Variants in DCLK1 observed in about 807,000 individuals in gnomAD.
DCLK1 encodes the protein serine/threonine-protein kinase DCLK1.
Under a neutral mutation model 86.2 loss-of-function variants are expected in DCLK1, and 16 were observed. That is an observed-to-expected ratio of 0.19 (90% CI 0.13 to 0.28). The LOEUF (loss-of-function observed/expected upper bound fraction) is 0.28. Among genes scored for constraint, DCLK1 ranks in the 10% least tolerant of loss-of-function variants. The probability of loss-of-function intolerance (pLI) is 1.00; values close to 1 mark genes in which losing one functional copy is unlikely to be tolerated. For synonymous variants in DCLK1, 369 were observed against 370.5 expected, an observed-to-expected ratio of 1.00 and a Z score of 0.05; for missense variants, 590 against 940.2, an observed-to-expected ratio of 0.63 and a Z score of 4.87.
intron 5 of DCLK1, among the ~76,000 whole-genome samples, chr13:35,858,387 T>C (rs1871199052): frequency 6.6e-6 from 1 of 152,202 alleles, no homozygotes. Flanking sequence ...AGTTCTGCCA[T>C]GTAAGTTGGT....
intron 3 of DCLK1, among the ~76,000 whole-genome samples, chr13:36,052,858 C>G (rs1883175700): frequency 1.3e-5 from 2 of 152,162 alleles, no homozygotes; most frequent in African/African-American, 4.8e-5. Flanking sequence ...AGACAAACCA[C>G]ACTCCCCACC....
chr13:35,902,787 C>A (rs543236544), intron 4 of DCLK1, among the ~76,000 whole-genome samples: 19 of 152,068 alleles, frequency 1.2e-4, no homozygotes, highest in Non-Finnish European at 2.2e-4. Context: ...CAATTTCAGC[C>A]CCCGAAACAG....
chr13:36,119,636 A>G (rs918903020), intron 2 of DCLK1, among the ~76,000 whole-genome samples: 2 of 152,208 alleles, frequency 1.3e-5, no homozygotes, highest in African/African-American at 2.4e-5. Context: ...TTCTGTGCAT[A>G]ACATCAATCT....
intron 3 of DCLK1, among the ~76,000 whole-genome samples, chr13:36,002,915 G>C (rs1283079388): frequency 6.6e-6 from 1 of 152,168 alleles, no homozygotes; most frequent in Non-Finnish European, 1.5e-5. Flanking sequence ...TGCACCCTGA[G>C]GGCTGGGGAG....
intron 4 of DCLK1, among the ~76,000 whole-genome samples, chr13:35,906,572 G>A (rs1283571819): frequency 6.6e-6 from 1 of 152,158 alleles, no homozygotes; most frequent in African/African-American, 2.4e-5. Context: ...CTTAAATTAT[G>A]TCCAGGAAAC....
intron 4 of DCLK1, among the ~76,000 whole-genome samples, chr13:35,932,854 C>G (rs563585376): frequency 4.6e-5 from 7 of 152,352 alleles, no homozygotes; most frequent in Admixed American, 3.3e-4. Flanking sequence ...CATTTCAAAA[C>G]CAATCATGCC....
chr13:35,835,073 A>G (rs1324739395), intron 8 of DCLK1, among the ~76,000 whole-genome samples: 1 of 152,164 alleles, frequency 6.6e-6, no homozygotes. Context: ...CAAAGCCTGT[A>G]GAGGAGGCAA....
rs566453455 is a variant in DCLK1, at chr13:35,941,090, G to C, written c.823+6268C>G. Among the ~76,000 whole-genome samples the C allele has an allele frequency of 2.0e-5, 3 of 152,254 alleles. No individual in the cohort carries two copies. In the South Asian group the frequency reaches 6.2e-4, roughly 32 times the overall value. On this transcript the variant is annotated intron_variant, in intron 4 of 16. Coordinates refer to ENST00000360631, the MANE Select transcript of DCLK1 (RefSeq NM_001330071.2). ...AGATGTAGAGACCACACAGAAAGTA[G>C]GACATAGAGCCTGGATGAGACTGTG...
chr13:35,934,260 T>C (rs1410609055), intron 4 of DCLK1, among the ~76,000 whole-genome samples: 1 of 152,210 alleles, frequency 6.6e-6, no homozygotes, highest in Non-Finnish European at 1.5e-5. Flanking sequence ...AACCTCTGCC[T>C]GTTACCCAAT....
chr13:35,938,652 A>G (rs905570039), intron 4 of DCLK1, among the ~76,000 whole-genome samples: 5 of 151,626 alleles, frequency 3.3e-5, no homozygotes, highest in African/African-American at 9.7e-5. Flanking sequence ...CCTAGCGGAC[A>G]GTGGAATTGG....
At chr13:35,906,454 A>G (rs926981221) in intron 4 of DCLK1, among the ~76,000 whole-genome samples, 2 of 152,176 alleles carry the variant, frequency 1.3e-5, no homozygotes, top group Non-Finnish European at 2.9e-5. Flanking sequence ...GAGAATGGTT[A>G]CTTCTGGTGT....
At position 35,849,359 on chromosome 13, in the gene DCLK1, GA is replaced by G. The variant is rs879382699; in HGVS notation, c.1035+5139del. 704 of 966,418 alleles carry G rather than the reference GA, an allele frequency of 7.3e-4. 3 individuals carry two copies. Among genetic ancestry groups the G allele is most frequent in the African/African-American group, 5.3e-3 (295 of 55,856 alleles). The allele number at this position is 966,418 out of a possible 1,614,324, so 59.9% of individuals were successfully genotyped here. ...TAAAAATTGTTTTCAAGTAAAATTTGAAAAAAAAAATCATGTAAAAGCCTCC... is the reference window on the plus strand; with the variant it reads ...TAAAAATTGTTTTCAAGTAAAATTTGAAAAAAAAATCATGTAAAAGCCTCC... On this transcript the variant is annotated intron_variant, in intron 6 of 16. Coordinates refer to ENST00000360631, the MANE Select transcript of DCLK1 (RefSeq NM_001330071.2).
Position 35,827,698 on chromosome 13 carries a change from G to A in DCLK1, c.1344C>T (p.Ile448=), listed in dbSNP as rs150834577. 719 of 1,613,918 alleles carry A rather than the reference G, an allele frequency of 4.5e-4. 5 individuals carry two copies. The Middle Eastern group carries it at 0.015, about 33-fold the overall frequency. Residue 448 remains isoleucine, a synonymous_variant, in exon 10 of 17, where the codon ATC becomes ATT. Coordinates refer to ENST00000360631, the MANE Select transcript of DCLK1 (RefSeq NM_001330071.2). ...SILRRVKHPN[I]VLLIEEMDVP... ...CATCCATCTCCTCAATCAGAAGAAC[G>A]ATATTGGGATGCTTCACTCTTCTTA... is the stretch of plus-strand genomic sequence containing the variant.
chr13:36,063,343 C>A (rs539306646), intron 3 of DCLK1, among the ~76,000 whole-genome samples: 1 of 152,242 alleles, frequency 6.6e-6, no homozygotes, highest in East Asian at 1.9e-4. Flanking sequence ...TGCTGAAGAG[C>A]CAGAGAGAAC....
intron 4 of DCLK1, among the ~76,000 whole-genome samples, chr13:35,872,346 A>T (rs1470472930): frequency 1.3e-5 from 2 of 152,228 alleles, no homozygotes; most frequent in Non-Finnish European, 2.9e-5. Context: ...ATTTGTTCAT[A>T]TGTGTTGATC....
intron 4 of DCLK1, among the ~76,000 whole-genome samples, chr13:35,878,449 G>T (rs532088783): frequency 2.6e-5 from 4 of 151,928 alleles, no homozygotes; most frequent in African/African-American, 9.7e-5. Context: ...AGCTCCACAC[G>T]CAGCACGTCT....
At chr13:35,964,562 T>C (rs774054290) in intron 3 of DCLK1, among the ~76,000 whole-genome samples, 1 of 152,202 alleles carries the variant, frequency 6.6e-6, no homozygotes, top group Admixed American at 6.5e-5. Context: ...AAATATTTGT[T>C]TTCATCTCAT....
At chr13:36,108,560 G>A (rs945920994) in intron 3 of DCLK1, among the ~76,000 whole-genome samples, 6 of 152,134 alleles carry the variant, frequency 3.9e-5, no homozygotes, top group East Asian at 1.9e-4. Flanking sequence ...AGCAGGCTCC[G>A]GCTTTCATGG....
intron 4 of DCLK1, among the ~76,000 whole-genome samples, chr13:35,875,101 T>C (rs1247109508): frequency 1.3e-5 from 2 of 152,216 alleles, no homozygotes; most frequent in Non-Finnish European, 2.9e-5. Flanking sequence ...TTTTTGCTAA[T>C]TTTTATTTCA....
Sources: allele counts gnomAD v4.1 joint callset (sites outside exome capture counted in the v4.1 genomes callset), GRCh38; gene constraint gnomAD v4.1.1; transcripts MANE v1.5; gene names NCBI Gene and HGNC (gene_info 2026-07-23, HGNC 2026-07-21).